CDCP1: variants seen among roughly 807,000 people sequenced by gnomAD.
CDCP1 encodes CUB domain containing protein 1, also known as CUB domain-containing protein 1.
In CDCP1, 29 loss-of-function variants were observed where a neutral mutation model predicts 60.2. The observed-to-expected ratio is 0.48, with a 90% CI of 0.36 to 0.66. The LOEUF is 0.66. Among genes scored for constraint, CDCP1 ranks in the 30% least tolerant of loss-of-function variants. The pLI is 0.00. For missense variants in CDCP1, 876 were observed against 1,074.3 expected, an observed-to-expected ratio of 0.82 and a Z score of 2.58; for synonymous variants, 387 against 431.1, an observed-to-expected ratio of 0.90 and a Z score of 1.27.
At chr3:45,143,833 G>C (rs1437336665) in intron 1 of CDCP1, among the ~76,000 whole-genome samples, 1 of 152,102 alleles carries the variant, frequency 6.6e-6, no homozygotes, top group African/African-American at 2.4e-5. Flanking sequence ...GTGGGGATGT[G>C]GGGGAGGAGA....
intron 2 of CDCP1, among the ~76,000 whole-genome samples, chr3:45,116,971 G>C (rs1368660843): frequency 6.6e-6 from 1 of 152,076 alleles, no homozygotes; most frequent in East Asian, 1.9e-4. Flanking sequence ...CTTTAATGCT[G>C]TATATTTGTA....
intron 8 of CDCP1, among the ~76,000 whole-genome samples, chr3:45,086,489 G>A (rs992629359): frequency 2.0e-5 from 3 of 152,196 alleles, no homozygotes; most frequent in Admixed American, 2.0e-4. Flanking sequence ...CGCACTCTTA[G>A]TACTTTCCCG....
At chr3:45,118,697 G>C (rs989747087) in intron 1 of CDCP1, 76 bp from the exon 2 acceptor site, 7 of 1,142,176 alleles carry the variant, frequency 6.1e-6, no homozygotes, top group Non-Finnish European at 9.1e-6. Context: ...ACCCCAATCT[G>C]GTTCAGAGAG....
intron 1 of CDCP1, among the ~76,000 whole-genome samples, chr3:45,126,267 CTGTT>C (rs1296162821): frequency 1.3e-5 from 2 of 148,922 alleles, no homozygotes; most frequent in African/African-American, 5.0e-5. Flanking sequence ...CTCTCTCTCT[CTGTT>C]TCTTTTTTTT....
chr3:45,126,270 T>C (rs1284590472), intron 1 of CDCP1, among the ~76,000 whole-genome samples: 1 of 151,384 alleles, frequency 6.6e-6, no homozygotes, highest in Non-Finnish European at 1.5e-5. Context: ...TCTCTCTCTG[T>C]TTCTTTTTTT....
intron 4 of CDCP1, among the ~76,000 whole-genome samples, chr3:45,103,184 A>G (rs969276135): frequency 1.3e-5 from 2 of 152,130 alleles, no homozygotes; most frequent in African/African-American, 4.8e-5. Context: ...GATTTCTATC[A>G]CTGCAGATTC....
chr3:45,143,544 CA>C (rs1348037190), intron 1 of CDCP1, among the ~76,000 whole-genome samples: 2 of 152,206 alleles, frequency 1.3e-5, no homozygotes, highest in Non-Finnish European at 2.9e-5. Context: ...AGCGTGCATA[CA>C]TACACATTAA....
Position 45,086,046 on chromosome 3 carries a change from GC to G in CDCP1, c.2102del (p.Gly701AlafsTer116), listed in dbSNP as rs769944472. ...TGTCATTGTAGATACCCACAGCGGG[GC>G]CCTTGTTTGTCTTCTTTTTCCTATT... ...VKKKKKKTNK[G>X]PAVGIYNDNI... On this transcript the variant is annotated frameshift_variant, in exon 9 of 9. Coordinates refer to ENST00000296129, the MANE Select transcript of CDCP1 (RefSeq NM_022842.5). LOFTEE classifies it low-confidence loss of function (END_TRUNC). The G allele has an allele frequency of 3.1e-6, 5 of 1,613,594 alleles. No homozygotes were observed. The East Asian group carries it at 1.1e-4, about 36-fold the overall frequency.
intron 2 of CDCP1, among the ~76,000 whole-genome samples, chr3:45,117,468 C>T (rs1424004075): frequency 6.6e-6 from 1 of 152,176 alleles, no homozygotes; most frequent in Non-Finnish European, 1.5e-5. Context: ...TGCTTAAAGT[C>T]ATGTGATCAC....
intron 1 of CDCP1, among the ~76,000 whole-genome samples, chr3:45,141,729 C>A (rs1699293458): frequency 6.6e-6 from 1 of 152,186 alleles, no homozygotes; most frequent in African/African-American, 2.4e-5. Flanking sequence ...CTAGAATGCG[C>A]CAGCTGCCCG....
chr3:45,110,606 C>T lies in CDCP1; in HGVS notation c.891G>A (p.Leu297=). The T allele has an allele frequency of 1.2e-6, 2 of 1,614,208 alleles. No homozygotes were observed. The highest frequency in any genetic ancestry group is 2.2e-5 in the East Asian group (1 of 44,884). The change falls in exon 4 of 9, where the codon CTG becomes CTA. Residue 297 remains leucine (L), a synonymous_variant. Coordinates refer to ENST00000296129, the MANE Select transcript of CDCP1 (RefSeq NM_022842.5). ...CCATGTTCCCAGGCTGCTTGTCCTC[C>T]AGCTTGAACACCTCGGGGTTGGTGG... ...GSTTNPEVFK[L]EDKQPGNMAG...
chr3:45,110,887 A>C, intron 3 of CDCP1, 46 bp from the exon 4 acceptor site: 2 of 1,564,436 alleles, frequency 1.3e-6, no homozygotes. Flanking sequence ...GAGCCATTAG[A>C]CCCTGTCCTG....
chr3:45,138,630 C>T (rs564883213), intron 1 of CDCP1, among the ~76,000 whole-genome samples: 7 of 152,290 alleles, frequency 4.6e-5, no homozygotes, highest in Non-Finnish European at 7.4e-5. Context: ...GGGTGGATCA[C>T]CTGAGGTCAA....
chr3:45,142,756 A>G (rs1699314224), intron 1 of CDCP1, among the ~76,000 whole-genome samples: 1 of 151,896 alleles, frequency 6.6e-6, no homozygotes. Flanking sequence ...CAGAACACGG[A>G]AATACGCGTG....
chr3:45,125,426 G>A (rs1312051656), intron 1 of CDCP1, among the ~76,000 whole-genome samples: 1 of 152,074 alleles, frequency 6.6e-6, no homozygotes, highest in Non-Finnish European at 1.5e-5. Flanking sequence ...TGCTTCCTTG[G>A]GCAAATTCCT....
chr3:45,118,308 T>G (rs1698827048), intron 2 of CDCP1, 104 bp downstream of exon 2: 1 of 857,556 alleles, frequency 1.2e-6, no homozygotes, highest in African/African-American at 1.7e-5. Context: ...AGAATAGATC[T>G]TAGCTCTCTA....
chr3:45,116,204 A>C (rs1233532390), intron 2 of CDCP1, among the ~76,000 whole-genome samples: 1 of 150,596 alleles, frequency 6.6e-6, no homozygotes, highest in African/African-American at 2.4e-5. Context: ...GTGTTTTATG[A>C]AAGACATTTA....
chr3:45,110,565 A>G lies in CDCP1; in HGVS notation c.932T>C (p.Leu311Pro). ...ATCTTGGTCACAGCCTTGCAGAGAG[A>G]GGTTGAAGTTCCCCGCCATGTTCCC... ...QPGNMAGNFN[L>P]SLQGCDQDAQ... is the part of the protein sequence containing the mutation. The change falls in exon 4 of 9, where the codon CTC (leucine) becomes CCC (proline). Residue 311 changes from leucine to proline, a missense_variant. Leu to Pro is a moderately conservative substitution (Grantham distance 98). Transcript: ENST00000296129. 6.2e-7 allele frequency: 1 copy of G among 1,614,146 alleles called. No individual in the cohort carries two copies. The highest frequency in any genetic ancestry group is 8.5e-7 in the Non-Finnish European group (1 of 1,180,024).
intron 1 of CDCP1, among the ~76,000 whole-genome samples, chr3:45,133,929 C>T (rs114933794): frequency 3.9e-5 from 6 of 152,224 alleles, no homozygotes; most frequent in Non-Finnish European, 8.8e-5. Context: ...CCTTTACTTC[C>T]GATACTTTGG....
Sources: allele counts gnomAD v4.1 joint callset (sites outside exome capture counted in the v4.1 genomes callset), GRCh38; gene constraint gnomAD v4.1.1; transcripts MANE v1.5; gene names NCBI Gene and HGNC (gene_info 2026-07-23, HGNC 2026-07-21).